The following SLIT3 variants were observed in gnomAD, a reference collection of about 807,000 sequenced individuals.
The protein encoded by SLIT3 is slit homolog 3 protein.
In SLIT3, 68 loss-of-function variants were observed where a neutral mutation model predicts 184.0. The ratio of observed to expected loss-of-function variants is 0.37; its 90% CI spans 0.30 to 0.45. The LOEUF (loss-of-function observed/expected upper bound fraction) is 0.45. Among genes scored for constraint, SLIT3 ranks in the 20% least tolerant of loss-of-function variants. SLIT3 has a pLI of 1.00. For missense variants in SLIT3, 1,707 were observed against 2,026.0 expected, an observed-to-expected ratio of 0.84 and a Z score of 3.02; for synonymous variants, 831 against 828.6, an observed-to-expected ratio of 1.00 and a Z score of -0.05.
intron 4 of SLIT3, among the ~76,000 whole-genome samples, chr5:168,976,227 CT>C (rs1386498111): frequency 2.0e-5 from 3 of 152,184 alleles, no homozygotes; most frequent in Non-Finnish European, 4.4e-5. Flanking sequence ...GGTTGTTCCA[CT>C]TGGGAGCTCC....
At chr5:169,174,070 A>G (rs1206111505) in intron 4 of SLIT3, among the ~76,000 whole-genome samples, 1 of 152,118 alleles carries the variant, frequency 6.6e-6, no homozygotes, top group African/African-American at 2.4e-5. Flanking sequence ...TATGGTGCCA[A>G]TCTGCCAGGG....
chr5:168,938,286 A>G (rs954955197), intron 4 of SLIT3, among the ~76,000 whole-genome samples: 5 of 152,256 alleles, frequency 3.3e-5, no homozygotes, highest in African/African-American at 9.6e-5. Context: ...GTGCTATTCT[A>G]TGGATAGATT....
At chr5:168,963,447 C>T (rs760933881) in intron 4 of SLIT3, among the ~76,000 whole-genome samples, 5 of 152,250 alleles carry the variant, frequency 3.3e-5, no homozygotes, top group African/African-American at 9.6e-5. Flanking sequence ...GCTGGGATTA[C>T]AGGCATGAGG....
intron 5 of SLIT3, among the ~76,000 whole-genome samples, chr5:168,871,015 T>C (rs1323408324): frequency 6.6e-6 from 1 of 152,194 alleles, no homozygotes; most frequent in African/African-American, 2.4e-5. Flanking sequence ...CACGAATTTA[T>C]TGTCTTAGAA....
chr5:169,146,314 G>A lies in SLIT3; in HGVS notation c.413+47165C>T, dbSNP rs1761923018. 2.0e-5 allele frequency among the ~76,000 whole-genome samples: 3 copies of A among 152,246 alleles called. No homozygotes were observed. The South Asian group carries it at 6.2e-4, about 32-fold the overall frequency. ...TATTCCCTCTTAAGCACAGGCTGGT[G>A]ATGTTGCAAAATAATACATGACGCA... On this transcript the variant is annotated intron_variant, in intron 4 of 35. Transcript: ENST00000519560.
At chr5:168,730,710 G>A (rs1207527993) in intron 20 of SLIT3, among the ~76,000 whole-genome samples, 1 of 151,700 alleles carries the variant, frequency 6.6e-6, no homozygotes, top group East Asian at 1.9e-4. Flanking sequence ...CCAAACCTAT[G>A]GGATACAGCA....
intron 3 of SLIT3, among the ~76,000 whole-genome samples, chr5:169,219,798 A>G (rs1024951923): frequency 6.6e-6 from 1 of 152,236 alleles, no homozygotes; most frequent in Non-Finnish European, 1.5e-5. Context: ...TCACCCAAGT[A>G]TAAAGACAGG....
rs539122062 is a variant in SLIT3, at chr5:169,138,872, T to C, written c.413+54607A>G. The stretch of plus-strand genomic sequence containing the variant: ...AAGTGATATTATCATGGGGAAATTG[T>C]TCGAAGTCTTAAAGTGATCACTTGA... On this transcript the variant is annotated intron_variant, in intron 4 of 35. Transcript: ENST00000519560. 1.4e-3 allele frequency among the ~76,000 whole-genome samples: 216 copies of C among 152,332 alleles called. 1 individual carries two copies. The highest frequency in any genetic ancestry group is 4.8e-3 in the African/African-American group (198 of 41,570).
At chr5:168,755,401 C>CTTTCTTTCTTTCTTTCTTTCT (rs1754871399) in intron 16 of SLIT3, among the ~76,000 whole-genome samples, 1 of 17,392 alleles carries the variant, frequency 5.7e-5, no homozygotes, top group Non-Finnish European at 9.9e-5. Flanking sequence ...TTCTTTCTTT[C>CTTTCTTTCTTTCTTTCTTTCT]TTTCTTTCTT....
At chr5:169,256,100 A>T (rs1765952623) in intron 1 of SLIT3, among the ~76,000 whole-genome samples, 1 of 148,776 alleles carries the variant, frequency 6.7e-6, no homozygotes, top group Non-Finnish European at 1.5e-5. Flanking sequence ...TAGGTATACT[A>T]TTTTTTTTTT....
At chr5:169,102,060 G>A (rs1237554885) in intron 4 of SLIT3, among the ~76,000 whole-genome samples, 5 of 152,190 alleles carry the variant, frequency 3.3e-5, no homozygotes, top group Admixed American at 1.3e-4. Context: ...TATTCACCTT[G>A]ACCCTGACAC....
chr5:169,169,046 G>A (rs1050739873), intron 4 of SLIT3, among the ~76,000 whole-genome samples: 1 of 150,376 alleles, frequency 6.6e-6, no homozygotes, highest in African/African-American at 2.4e-5. Flanking sequence ...GTGGGGGGGG[G>A]ATCACCTTTT....
chr5:168,841,637 A>G (rs1758255230), intron 6 of SLIT3, among the ~76,000 whole-genome samples: 1 of 152,164 alleles, frequency 6.6e-6, no homozygotes, highest in Non-Finnish European at 1.5e-5. Context: ...GCTCACCTCC[A>G]ATGTTCTCAT....
rs181252792 is a variant in SLIT3 at position 168,903,690 on chromosome 5, T to C, written c.414-20354A>G. Among the ~76,000 whole-genome samples the C allele has an allele frequency of 3.2e-3, 484 of 152,266 alleles. 5 individuals carry two copies. Among genetic ancestry groups the C allele is most frequent in the African/African-American group, 0.011 (460 of 41,544 alleles). On this transcript the variant is annotated intron_variant, in intron 4 of 35. Transcript: ENST00000519560. ...CTGTCTCTGGCCCTCCTGGAGGGCCTTGCCCATCTTGTTCCTTTCTTCTCC... is the reference window on the plus strand; with the variant it reads ...CTGTCTCTGGCCCTCCTGGAGGGCCCTGCCCATCTTGTTCCTTTCTTCTCC...
chr5:169,231,459 T>C (rs1290226900), intron 3 of SLIT3, among the ~76,000 whole-genome samples: 8 of 152,196 alleles, frequency 5.3e-5, no homozygotes, highest in Non-Finnish European at 8.8e-5. Context: ...AATCAGGTAA[T>C]ATATATTCTT....
intron 6 of SLIT3, among the ~76,000 whole-genome samples, chr5:168,826,909 CCCA>C (rs1483003051): frequency 1.6e-4 from 24 of 152,044 alleles, no homozygotes; most frequent in African/African-American, 5.8e-4. Flanking sequence ...ATTACAGGTG[CCCA>C]CCACCACGTC....
intron 7 of SLIT3, among the ~76,000 whole-genome samples, chr5:168,820,040 T>C (rs13164987): frequency 0.13 from 19,695 of 152,026 alleles, 1,704 homozygotes; most frequent in South Asian, 0.31. Flanking sequence ...TTTCACAACA[T>C]GTTTGGGAGA....
chr5:168,935,741 C>G (rs1021241657), intron 4 of SLIT3, among the ~76,000 whole-genome samples: 6 of 152,174 alleles, frequency 3.9e-5, no homozygotes, highest in Admixed American at 1.3e-4. Flanking sequence ...AAGAAAGCTT[C>G]AGCACAAATC....
chr5:169,141,207 C>T (rs1222427238), intron 4 of SLIT3, among the ~76,000 whole-genome samples: 1 of 152,112 alleles, frequency 6.6e-6, no homozygotes, highest in Non-Finnish European at 1.5e-5. Context: ...CCCGACATGA[C>T]CCCCAAATCA....
Sources: allele counts gnomAD v4.1 joint callset (sites outside exome capture counted in the v4.1 genomes callset), GRCh38; gene constraint gnomAD v4.1.1; transcripts MANE v1.5; gene names NCBI Gene and HGNC (gene_info 2026-07-23, HGNC 2026-07-21).